The following NYAP2 variants were observed in gnomAD, a reference collection of about 807,000 sequenced individuals.
NYAP2 encodes neuronal tyrosine-phosphorylated phosphoinositide-3-kinase adapter 2.
NYAP2 carries 23 observed loss-of-function variants against 50.4 expected under a neutral mutation model. That is an observed-to-expected ratio of 0.46 (90% CI 0.33 to 0.65). The LOEUF (loss-of-function observed/expected upper bound fraction) is 0.65. Among genes scored for constraint, NYAP2 ranks in the 30% least tolerant of loss-of-function variants. NYAP2 has a pLI of 0.02. For synonymous variants in NYAP2, 394 were observed against 365.2 expected (o/e 1.08, Z -0.90); for missense variants, 885 against 861.0 (o/e 1.03, Z -0.35).
chr2:225,465,612 A>T (rs534310252), intron 3 of NYAP2, among the ~76,000 whole-genome samples: 1 of 152,220 alleles, frequency 6.6e-6, no homozygotes, highest in South Asian at 2.1e-4. Context: ...GCTACTCAGG[A>T]GGCTGAGGCA....
At position 225,579,951 on chromosome 2, in the gene NYAP2, GAC is replaced by G. The variant is rs374044590; in HGVS notation, c.524-1983_524-1982del. On this transcript the variant is annotated intron_variant, in intron 4 of 6. Transcript: ENST00000636099. Reference sequence around the variant, plus strand: ...GTATGATGAAATTACCCATCTCAGGGACACACACTAATTTCTAGCCTTAGGTT... The same window carrying G: ...GTATGATGAAATTACCCATCTCAGGGACACACTAATTTCTAGCCTTAGGTT... Among the ~76,000 whole-genome samples, 610 of 152,248 alleles carry G rather than the reference GAC, an allele frequency of 4.0e-3. 3 individuals are homozygous for G. Among genetic ancestry groups the G allele is most frequent in the Middle Eastern group, 0.014 (4 of 294 alleles).
At chr2:225,486,953 C>A (rs779221516) in intron 3 of NYAP2, among the ~76,000 whole-genome samples, 30 of 152,336 alleles carry the variant, frequency 2.0e-4, no homozygotes, top group Non-Finnish European at 3.5e-4. Flanking sequence ...CAGGAGAACA[C>A]CACTGGGATT....
intron 4 of NYAP2, among the ~76,000 whole-genome samples, chr2:225,527,462 A>G (rs1019999489): frequency 1.3e-5 from 2 of 152,156 alleles, no homozygotes; most frequent in East Asian, 3.9e-4. Flanking sequence ...TTCTTTCTCA[A>G]GCTTACATAG....
intron 3 of NYAP2, among the ~76,000 whole-genome samples, chr2:225,450,741 G>T (rs949768385): frequency 3.3e-5 from 5 of 152,112 alleles, no homozygotes; most frequent in African/African-American, 1.2e-4. Context: ...AATTACTAGG[G>T]CTCAGTTTCT....
chr2:225,399,657 G>A (rs1694824536), upstream of NYAP2: 1 of 151,920 alleles, frequency 6.6e-6, no homozygotes, highest in African/African-American at 2.4e-5. Context: ...GTTTTGATGA[G>A]GTTAAAAGGC....
intron 4 of NYAP2, among the ~76,000 whole-genome samples, chr2:225,577,200 G>T (rs965120132): frequency 7.9e-5 from 12 of 152,126 alleles, no homozygotes; most frequent in Non-Finnish European, 1.6e-4. Flanking sequence ...AAATGCTACT[G>T]TCATGATACT....
intron 5 of NYAP2, among the ~76,000 whole-genome samples, chr2:225,618,179 A>C (rs1318183351): frequency 6.6e-6 from 1 of 152,218 alleles, no homozygotes; most frequent in Admixed American, 6.5e-5. Flanking sequence ...GCTACCATAT[A>C]CACAGCTACC....
exon 1 of NYAP2, chr2:225,399,785 G>C (rs910772324): frequency 1.3e-5 from 2 of 152,064 alleles, no homozygotes; most frequent in African/African-American, 4.8e-5. Flanking sequence ...ATCAAACTGA[G>C]ATCTAGATGT....
At chr2:225,675,693 A>G in the NYAP2 span, among the ~76,000 whole-genome samples, 1 of 152,094 alleles carries the variant, frequency 6.6e-6, no homozygotes, top group Non-Finnish European at 1.5e-5. Context: ...TGGTACTCCT[A>G]TTATAAGTTC....
intron 3 of NYAP2, among the ~76,000 whole-genome samples, chr2:225,476,960 A>G (rs1690124130): frequency 2.6e-5 from 4 of 152,166 alleles, no homozygotes; most frequent in African/African-American, 9.7e-5. Flanking sequence ...TGAAATTTTA[A>G]CGGTTGTTTT....
intron 4 of NYAP2, among the ~76,000 whole-genome samples, chr2:225,568,887 C>T (rs1362023660): frequency 6.6e-6 from 1 of 152,030 alleles, no homozygotes; most frequent in African/African-American, 2.4e-5. Flanking sequence ...AAGCTTTCCC[C>T]CTTATACTCT....
the NYAP2 span, among the ~76,000 whole-genome samples, chr2:225,671,170 GT>G: frequency 4.6e-5 from 7 of 150,774 alleles, no homozygotes; most frequent in South Asian, 4.2e-4. Flanking sequence ...ATGCAATGCT[GT>G]TTTTTTTTCT....
chr2:225,686,178 C>T, the NYAP2 span, among the ~76,000 whole-genome samples: 1 of 152,122 alleles, frequency 6.6e-6, no homozygotes, highest in African/African-American at 2.4e-5. Context: ...AAATCATATA[C>T]ATTTCCAATT....
At chr2:225,555,164 A>G (rs1283269192) in intron 4 of NYAP2, among the ~76,000 whole-genome samples, 2 of 152,248 alleles carry the variant, frequency 1.3e-5, no homozygotes, top group South Asian at 2.1e-4. Flanking sequence ...TTTTTCCCAG[A>G]AGGATTTGTG....
chr2:225,596,162 G>A (rs1238168110), intron 5 of NYAP2, among the ~76,000 whole-genome samples: 1 of 152,030 alleles, frequency 6.6e-6, no homozygotes, highest in Non-Finnish European at 1.5e-5. Flanking sequence ...CTCCCAAGTA[G>A]CTGGGGCCAC....
chr2:225,519,861 G>T (rs1219240009), intron 4 of NYAP2, among the ~76,000 whole-genome samples: 10 of 152,172 alleles, frequency 6.6e-5, no homozygotes, highest in African/African-American at 9.6e-5. Flanking sequence ...ACTTCCACAA[G>T]GGTTGAACTA....
At chr2:225,674,751 C>T in the NYAP2 span, among the ~76,000 whole-genome samples, 1 of 152,050 alleles carries the variant, frequency 6.6e-6, no homozygotes, top group South Asian at 2.1e-4. Flanking sequence ...TGTAGATTCT[C>T]CTGGAGGCAG....
intron 4 of NYAP2, among the ~76,000 whole-genome samples, chr2:225,557,606 A>T (rs1691802487): frequency 1.3e-5 from 2 of 152,188 alleles, no homozygotes; most frequent in African/African-American, 4.8e-5. Flanking sequence ...AACATTAAAT[A>T]GTTGGTGAGG....
chr2:225,696,288 GT>G, the NYAP2 span, among the ~76,000 whole-genome samples: 1 of 152,032 alleles, frequency 6.6e-6, no homozygotes, highest in East Asian at 1.9e-4. Context: ...TTCTTTCAGT[GT>G]GGCTTGGAGG....
Sources: allele counts gnomAD v4.1 joint callset (sites outside exome capture counted in the v4.1 genomes callset), GRCh38; gene constraint gnomAD v4.1.1; transcripts MANE v1.5; gene names NCBI Gene and HGNC (gene_info 2026-07-23, HGNC 2026-07-21).